GDPD5: variants seen among roughly 807,000 people sequenced by gnomAD.
GDPD5 encodes glycerophosphodiester phosphodiesterase 2.
In GDPD5, 48 loss-of-function variants were observed where a neutral mutation model predicts 75.1. The observed-to-expected ratio is 0.64, with a 90% CI of 0.51 to 0.81. GDPD5 has a LOEUF of 0.81. Ranked by LOEUF, GDPD5 falls within the 40% of genes least tolerant of loss-of-function variation. GDPD5 has a pLI of 0.00. For missense variants in GDPD5, 706 were observed against 822.6 expected (o/e 0.86, Z 1.73); for synonymous variants, 336 against 339.0 (o/e 0.99, Z 0.10).
intron 15 of GDPD5, chr11:75,437,386 A>G (rs1352533605): frequency 7.0e-6 from 2 of 284,602 alleles, no homozygotes; most frequent in Non-Finnish European, 1.3e-5. Context: ...GGAGGAGCTT[A>G]GTAGGCACGA....
rs746302189 is a variant in GDPD5 at position 75,444,524 on chromosome 11, G to A, written c.715-29C>T. 1.1e-5 allele frequency: 17 copies of A among 1,556,076 alleles called. No individual in the cohort carries two copies. The Admixed American group carries it at 2.8e-4, about 26-fold the overall frequency. On this transcript the variant is annotated intron_variant, in intron 9 of 16. Transcript: ENST00000336898. ...GGGAAGAAGGGGTGGTGAAGGGAGA[G>A]CCAAGATTCAGCTGATGTACCCTCC...
chr11:75,524,916 G>A (rs747622425), intron 1 of GDPD5, among the ~76,000 whole-genome samples: 2 of 152,200 alleles, frequency 1.3e-5, no homozygotes, highest in South Asian at 2.1e-4. Context: ...GTGAAAGGAG[G>A]TCACTCAGCC....
At chr11:75,445,657 C>T (rs2135189205) in intron 9 of GDPD5, among the ~76,000 whole-genome samples, 1 of 152,336 alleles carries the variant, frequency 6.6e-6, no homozygotes, top group African/African-American at 2.4e-5. Context: ...CTCATTCATT[C>T]CCACTGAAGA....
At chr11:75,519,251 A>G (rs907992970) in intron 1 of GDPD5, among the ~76,000 whole-genome samples, 10 of 152,110 alleles carry the variant, frequency 6.6e-5, no homozygotes, top group Admixed American at 2.0e-4. Flanking sequence ...CAGCTCATTC[A>G]GTGCTGATCT....
At chr11:75,455,895 G>A (rs73494855) in intron 6 of GDPD5, among the ~76,000 whole-genome samples, 4 of 152,162 alleles carry the variant, frequency 2.6e-5, no homozygotes, top group Admixed American at 1.3e-4. Flanking sequence ...CCAGCCCTGA[G>A]GGGGGGCACT....
At chr11:75,516,862 A>C (rs1485525950) in intron 1 of GDPD5, among the ~76,000 whole-genome samples, 2 of 152,230 alleles carry the variant, frequency 1.3e-5, no homozygotes, top group Non-Finnish European at 2.9e-5. Flanking sequence ...CAGGATCAAC[A>C]TAAGTTTTCT....
At chr11:75,484,253 T>C (rs1949976950) in intron 2 of GDPD5, among the ~76,000 whole-genome samples, 2 of 152,170 alleles carry the variant, frequency 1.3e-5, no homozygotes, top group South Asian at 2.1e-4. Flanking sequence ...TTGCGAACTT[T>C]ATCTCGATAA....
chr11:75,467,349 G>A (rs1357166065), intron 3 of GDPD5, among the ~76,000 whole-genome samples: 8 of 152,182 alleles, frequency 5.3e-5, no homozygotes, highest in South Asian at 2.1e-4. Flanking sequence ...ACTGGGCTGC[G>A]AGCTCCCTCA....
chr11:75,511,570 G>A (rs1950519425), intron 1 of GDPD5, among the ~76,000 whole-genome samples: 1 of 152,158 alleles, frequency 6.6e-6, no homozygotes, highest in Non-Finnish European at 1.5e-5. Flanking sequence ...CTCCTCAGGG[G>A]ACAGTTTGGG....
At chr11:75,493,683 G>A (rs563847067) in intron 1 of GDPD5, among the ~76,000 whole-genome samples, 6 of 149,258 alleles carry the variant, frequency 4.0e-5, no homozygotes, top group Non-Finnish European at 5.9e-5. Flanking sequence ...AGTGCAGCAG[G>A]GGGGGGCCTA....
In GDPD5 at chr11:75,444,522, G is replaced by A. The variant is rs375877281; in HGVS notation, c.715-27C>T. ...TGGGGAAGAAGGGGTGGTGAAGGGAGAGCCAAGATTCAGCTGATGTACCCT... is the reference window on the plus strand; with the variant it reads ...TGGGGAAGAAGGGGTGGTGAAGGGAAAGCCAAGATTCAGCTGATGTACCCT... On this transcript the variant is annotated intron_variant, in intron 9 of 16. Transcript: ENST00000336898. 3.2e-6 allele frequency: 5 copies of A among 1,565,972 alleles called. No homozygotes were observed. In the African/African-American group the frequency reaches 5.4e-5, roughly 17 times the overall value.
At position 75,472,299 on chromosome 11, in the gene GDPD5, T is replaced by C. The variant is rs141937224; in HGVS notation, c.117+5320A>G. ...GAATGCCCAGTGGCATCTGGCTCAA[T>C]CCAGCCACACCCTGGAGCCCATCTC... On this transcript the variant is annotated intron_variant, in intron 3 of 16. Transcript: ENST00000336898. Among the ~76,000 whole-genome samples, 642 of 152,290 alleles carry C rather than the reference T, an allele frequency of 4.2e-3. 2 individuals carry two copies. The highest frequency in any genetic ancestry group is 0.014 in the African/African-American group (586 of 41,552).
chr11:75,455,409 C>T (rs1949264511), intron 6 of GDPD5: 3 of 455,942 alleles, frequency 6.6e-6, no homozygotes, highest in South Asian at 1.6e-5. Context: ...CTGCTCACGG[C>T]TCCTACCACT....
intron 10 of GDPD5, among the ~76,000 whole-genome samples, chr11:75,443,564 C>G (rs1262957242): frequency 6.6e-6 from 1 of 152,148 alleles, no homozygotes; most frequent in Non-Finnish European, 1.5e-5. Context: ...CTCTTAGCAA[C>G]CTTGGAAGGT....
chr11:75,455,755 G>A (rs1949271076), intron 6 of GDPD5, among the ~76,000 whole-genome samples: 1 of 152,204 alleles, frequency 6.6e-6, no homozygotes, highest in African/African-American at 2.4e-5. Context: ...TGGTCAGCTC[G>A]GTACCACTCT....
chr11:75,483,258 G>A (rs1949956683), intron 2 of GDPD5, among the ~76,000 whole-genome samples: 3 of 152,296 alleles, frequency 2.0e-5, no homozygotes, highest in Admixed American at 1.3e-4. Flanking sequence ...CCAGCCCAAA[G>A]TCCTATTTTC....
intron 1 of GDPD5, among the ~76,000 whole-genome samples, chr11:75,495,749 A>G (rs1950196851): frequency 6.6e-6 from 1 of 152,232 alleles, no homozygotes; most frequent in Admixed American, 6.5e-5. Context: ...TCTGACAAAG[A>G]TACATGGATC....
chr11:75,443,346 A>G lies in GDPD5; in HGVS notation c.798-60T>C, dbSNP rs547329797. 8.5e-6 allele frequency: 13 copies of G among 1,538,060 alleles called. No homozygotes were observed. In the South Asian group the frequency reaches 1.5e-4, roughly 18 times the overall value. On this transcript the variant is annotated intron_variant, in intron 10 of 16. Coordinates refer to ENST00000336898, the MANE Select transcript of GDPD5 (RefSeq NM_030792.8). ...CCCCAGATCCTTTACCTGCCCACCA[A>G]TGATCGTCACCCCACACAGTCCTCC...
Position 75,517,692 on chromosome 11 carries a change from A to C in GDPD5, c.-145+7518T>G, listed in dbSNP as rs555008209. Among the ~76,000 whole-genome samples the C allele has an allele frequency of 3.9e-5, 6 of 152,138 alleles. No individual in the cohort carries two copies. The East Asian group carries it at 1.2e-3, about 29-fold the overall frequency. ...CAACACCTAGTAACTACCTTGAAAT[A>C]ATTTTAGTGAACTGGCTCACAATCA... On this transcript the variant is annotated intron_variant, in intron 1 of 16. Coordinates refer to ENST00000336898, the MANE Select transcript of GDPD5 (RefSeq NM_030792.8).
Sources: gnomAD v4.1 joint callset for allele counts (sites outside exome capture counted in the v4.1 genomes callset) on GRCh38, gnomAD v4.1.1 for gene constraint, MANE v1.5 for transcripts, NCBI Gene and HGNC (gene_info 2026-07-23, HGNC 2026-07-21) for gene names.